Variants in TIMELESS observed in about 807,000 individuals in gnomAD.
TIMELESS encodes the protein timeless circadian regulator.
Under a neutral mutation model 164.3 loss-of-function variants are expected in TIMELESS, and 124 were observed. The ratio of observed to expected loss-of-function variants is 0.75; its 90% confidence interval spans 0.65 to 0.88. The LOEUF (loss-of-function observed/expected upper bound fraction) is 0.88, where lower values mean the gene tolerates loss of function less well. Among genes scored for constraint, TIMELESS ranks in the 40% least tolerant of loss-of-function variants. The pLI is 0.00. For synonymous variants in TIMELESS, 564 were observed against 563.4 expected, an observed-to-expected ratio of 1.00 and a Z score of -0.02; for missense variants, 1,422 against 1,491.4, an observed-to-expected ratio of 0.95 and a Z score of 0.77.
rs778396878 is a variant in TIMELESS, at chr12:56,432,502, G to A, written c.554C>T (p.Ala185Val). ...QEKKIDDDAS[A>V]HDQLLWAIHL... is the part of the protein sequence containing the mutation. ...AATCGCCCAGAGGAGCTGGTCATGGGCACTGGCGTCATCATCAATCTTCTG... is the reference window on the plus strand; with the variant it reads ...AATCGCCCAGAGGAGCTGGTCATGGACACTGGCGTCATCATCAATCTTCTG... The change falls in exon 7 of 29, where the codon GCC becomes GTC. Residue 185 changes from alanine (A) to valine (V), a missense_variant. Transcript: ENST00000553532. 2 of 1,613,942 alleles carry A rather than the reference G, an allele frequency of 1.2e-6. No individual in the cohort carries two copies. Among genetic ancestry groups the A allele is most frequent in the African/African-American group, 2.7e-5 (2 of 74,922 alleles).
intron 1 of TIMELESS, among the ~76,000 whole-genome samples, chr12:56,446,235 T>A (rs981831215): frequency 1.6e-4 from 24 of 152,348 alleles, no homozygotes; most frequent in Admixed American, 1.3e-3. Flanking sequence ...TATGGTTACC[T>A]GATTTAGGCA....
intron 13 of TIMELESS, 101 bp from the exon 14 acceptor site, chr12:56,425,253 A>T: frequency 7.3e-7 from 1 of 1,365,014 alleles, no homozygotes; most frequent in Non-Finnish European, 9.8e-7. Context: ...ACATTCACAG[A>T]GTGCCCATTA....
Position 56,433,894 on chromosome 12 carries a change from G to A in TIMELESS, c.130C>T (p.His44Tyr), listed in dbSNP as rs765033634. 9 of 1,614,080 alleles carry A rather than the reference G, an allele frequency of 5.6e-6. No individual in the cohort carries two copies. In the Admixed American group the frequency reaches 1.3e-4, roughly 24 times the overall value. ...CGCACATCTCGTGTCTCATCCTCAT[G>A]CCTCAAATAGCGGATCAGATCCTTC... ...SVKDLIRYLR[H>Y]EDETRDVRQQ... Residue 44 changes from histidine to tyrosine, a missense_variant, in exon 3 of 29, where the codon CAT (histidine) becomes TAT (tyrosine). By Grantham distance (83) the His-to-Tyr change is moderately conservative (BLOSUM62 2). Transcript: ENST00000553532.
Position 56,420,877 on chromosome 12 carries a change from A to G in TIMELESS, c.3045T>C (p.Phe1015=), listed in dbSNP as rs142128551. 19 of 1,614,034 alleles carry G rather than the reference A, an allele frequency of 1.2e-5. No individual in the cohort carries two copies. The highest frequency in any genetic ancestry group is 1.6e-5 in the Non-Finnish European group (19 of 1,180,038). ...TCTGGAGCCATAGGAGCGGGATAGA[A>G]AAGCCTAAGGAAATGAGGGAAACTT... ...NLGQSLHQEG[F]SIPLLWLQNC... The change falls in exon 25 of 29, where the codon TTT becomes TTC. Residue 1015 remains phenylalanine (F), a synonymous_variant. Transcript: ENST00000553532.
chr12:56,441,738 T>C (rs1868276507), intron 1 of TIMELESS, among the ~76,000 whole-genome samples: 2 of 150,868 alleles, frequency 1.3e-5, no homozygotes, highest in South Asian at 2.1e-4. Context: ...AGAACCTTCC[T>C]GGCAAAAGAT....
chr12:56,435,998 C>T (rs959717897), intron 1 of TIMELESS, among the ~76,000 whole-genome samples: 7 of 151,270 alleles, frequency 4.6e-5, no homozygotes, highest in South Asian at 2.1e-4. Flanking sequence ...TTTAACACTC[C>T]GAAAAAGTAT....
In TIMELESS at chr12:56,425,081, T is replaced by A. The variant is rs186279175; in HGVS notation, c.1650A>T (p.Pro550=). Residue 550 remains proline, a synonymous_variant, in exon 14 of 29, where the codon CCA becomes CCT. Transcript: ENST00000553532. ...CAGCCTCCACTTCTTCTGGGCTAGA[T>A]GGGACATTACCAGAAACAATGGCCT... is the stretch of plus-strand genomic sequence containing the variant. ...LDQAIVSGNV[P]SSPEEVEAVW... is the part of the protein sequence containing the mutation. 1.1e-5 allele frequency: 18 copies of A among 1,614,220 alleles called. No homozygotes were observed. In the African/African-American group the frequency reaches 2.3e-4, roughly 20 times the overall value.
intron 1 of TIMELESS, among the ~76,000 whole-genome samples, chr12:56,444,604 T>C (rs990494237): frequency 6.6e-6 from 1 of 151,996 alleles, no homozygotes; most frequent in Non-Finnish European, 1.5e-5. Context: ...TGATGTGCAG[T>C]GGTGCGATCT....
chr12:56,432,372 G>C lies in TIMELESS; in HGVS notation c.684C>G (p.Asp228Glu). 6.2e-7 allele frequency: 1 copy of C among 1,613,122 alleles called. No individual in the cohort carries two copies. The highest frequency in any genetic ancestry group is 8.5e-7 in the Non-Finnish European group (1 of 1,179,134). ...GGGCAATAGGCCAGGGTCTCACCTG[G>C]TCACGAAACATAAGGGAGACAATCT... The part of the protein sequence containing the change: ...VLEIVSLMFR[D>E]QNPEQLAGVG... The change falls in exon 7 of 29, where the codon GAC becomes GAG. Residue 228 changes from aspartate to glutamate, a missense_variant. By Grantham distance (45) the Asp-to-Glu change is conservative. Transcript: ENST00000553532.
At chr12:56,419,116 C>T (rs928924660) in intron 26 of TIMELESS, among the ~76,000 whole-genome samples, 2 of 151,976 alleles carry the variant, frequency 1.3e-5, no homozygotes, top group African/African-American at 4.8e-5. Flanking sequence ...CTCAGCCTCC[C>T]AAGTAGGTGG....
intron 25 of TIMELESS, 35 bp downstream of exon 25, chr12:56,420,778 G>C: frequency 1.2e-6 from 2 of 1,613,768 alleles, no homozygotes; most frequent in Non-Finnish European, 1.7e-6. Context: ...TAGCCTCCAG[G>C]GCTCTTCTCC....
rs868601180 is a variant in TIMELESS, at chr12:56,432,769, C to G, written c.532-245G>C. Among the ~76,000 whole-genome samples, 47 of 143,996 alleles carry G rather than the reference C, an allele frequency of 3.3e-4. 1 individual carries two copies. Among genetic ancestry groups the G allele is most frequent in the African/African-American group, 1.2e-3 (45 of 38,180 alleles). 94.5% of individuals were successfully genotyped at this position (143,996 alleles called of 152,430 possible). A position where few individuals can be genotyped will look rare whatever the true frequency, so the allele number is the denominator to read the frequency against. ...GCCATCTTAGCTAACATGGTGAAAC[C>G]CTGTCTCTACTAAAAATACAAAAAA... On this transcript the variant is annotated intron_variant, in intron 6 of 28. Coordinates refer to ENST00000553532, the MANE Select transcript of TIMELESS (RefSeq NM_003920.5).
intron 1 of TIMELESS, among the ~76,000 whole-genome samples, chr12:56,448,262 C>T (rs528302171): frequency 2.6e-5 from 4 of 151,574 alleles, no homozygotes; most frequent in African/African-American, 7.3e-5. Context: ...AAAAATTAGC[C>T]GGGCGTGGTG....
At chr12:56,420,048 A>ATGTGTG (rs1363649039) in intron 26 of TIMELESS, among the ~76,000 whole-genome samples, 26 of 87,310 alleles carry the variant, frequency 3.0e-4, no homozygotes, top group African/African-American at 6.0e-4. Flanking sequence ...ATATATATAT[A>ATGTGTG]TGTGTGTGTG....
intron 17 of TIMELESS, 35 bp from the exon 18 acceptor site, chr12:56,423,510 T>A (rs752489757): frequency 6.2e-7 from 1 of 1,613,590 alleles, no homozygotes; most frequent in African/African-American, 1.3e-5. Flanking sequence ...GATGTCAGCA[T>A]AAGGAAGACA....
chr12:56,425,050 G>A lies in TIMELESS; in HGVS notation c.1681C>T (p.Pro561Ser). Residue 561 changes from proline (P) to serine (S), a missense_variant, in exon 14 of 29, where the codon CCA becomes TCA. By Grantham distance (74) the Pro-to-Ser change is moderately conservative (BLOSUM62 -1). Coordinates refer to ENST00000553532, the MANE Select transcript of TIMELESS (RefSeq NM_003920.5). ...SSPEEVEAVW[P>S]ALAEQLQCCA... ...CACTGTAGCTGCTCAGCCAGGGCTG[G>A]CCACACAGCCTCCACTTCTTCTGGG... 6.2e-7 allele frequency: 1 copy of A among 1,614,200 alleles called. No homozygotes were observed. The highest frequency in any genetic ancestry group is 8.5e-7 in the Non-Finnish European group (1 of 1,180,034).
chr12:56,420,496 TGAGGAG>T (rs1229623033), intron 26 of TIMELESS, 67 bp downstream of exon 26: 12 of 1,172,742 alleles, frequency 1.0e-5, no homozygotes, highest in African/African-American at 1.5e-5. Flanking sequence ...ACCATGACAG[TGAGGAG>T]GAGGAGGAGA....
In TIMELESS at chr12:56,421,940, C is replaced by T; in HGVS notation, c.2601G>A (p.Leu867=). 1 of 1,614,140 alleles carries T rather than the reference C, an allele frequency of 6.2e-7. No individual in the cohort carries two copies. The highest frequency in any genetic ancestry group is 1.1e-5 in the South Asian group (1 of 91,084). Residue 867 remains leucine, a synonymous_variant, in exon 21 of 29, where the codon CTG becomes CTA. Transcript: ENST00000553532. The part of the protein sequence containing the change: ...PRTRKQIIHH[L]VQMGLADSVK... ...CACTGTCAGCCAGTCCCATCTGTAC[C>T]AGATGGTGGATGATCTGCTTGCGTG... is the stretch of plus-strand genomic sequence containing the variant.
intron 1 of TIMELESS, among the ~76,000 whole-genome samples, chr12:56,437,069 A>G (rs1209585169): frequency 6.6e-6 from 1 of 151,984 alleles, no homozygotes; most frequent in East Asian, 1.9e-4. Context: ...AGCTTGAATT[A>G]CAGGCGCACG....
Sources: allele counts gnomAD v4.1 joint callset (sites outside exome capture counted in the v4.1 genomes callset), GRCh38; gene constraint gnomAD v4.1.1; transcripts MANE v1.5; gene names NCBI Gene and HGNC (gene_info 2026-07-23, HGNC 2026-07-21).